The following CEP295 variants were observed in gnomAD, a reference collection of about 807,000 sequenced individuals.
CEP295 encodes centrosomal protein of 295 kDa.
CEP295 carries 190 observed loss-of-function variants against 291.6 expected under a neutral mutation model. The observed-to-expected ratio is 0.65, with a 90% CI of 0.58 to 0.73. The LOEUF (loss-of-function observed/expected upper bound fraction) is 0.73. Among genes scored for constraint, CEP295 ranks in the 30% least tolerant of loss-of-function variants. CEP295 has a pLI of 0.00. For missense variants in CEP295, 2,863 were observed against 2,949.4 expected (o/e 0.97, Z 0.68); for synonymous variants, 993 against 1,038.8 (o/e 0.96, Z 0.85).
At position 93,693,230 on chromosome 11, in the gene CEP295, T is replaced by C. The variant is rs529882555; in HGVS notation, c.1533+1200T>C. On this transcript the variant is annotated intron_variant, in intron 12 of 29. Coordinates refer to ENST00000325212, the MANE Select transcript of CEP295 (RefSeq NM_033395.2). ...AGACAGAGCTTGCAGTGAGCCGAGA[T>C]TGCGCCACTGCACTCCAGCCTGGGC... 1.6e-4 allele frequency among the ~76,000 whole-genome samples: 25 copies of C among 152,052 alleles called. No individual in the cohort carries two copies. The East Asian group carries it at 3.7e-3, about 22-fold the overall frequency.
chr11:93,662,143 C>G (rs1307209889), intron 1 of CEP295, among the ~76,000 whole-genome samples: 1 of 152,206 alleles, frequency 6.6e-6, no homozygotes, highest in African/African-American at 2.4e-5. Context: ...TTAAAAGAGC[C>G]TTGCCTGGAT....
chr11:93,729,995 T>TA (rs2135390156), intron 28 of CEP295, 26 bp downstream of exon 28: 3 of 1,423,528 alleles, frequency 2.1e-6, no homozygotes, highest in Admixed American at 5.0e-5. Flanking sequence ...TTTTTTTTTT[T>TA]AGTGATTCAC....
At chr11:93,726,310 T>G (rs1187953084) in intron 23 of CEP295, among the ~76,000 whole-genome samples, 2 of 152,180 alleles carry the variant, frequency 1.3e-5, no homozygotes, top group East Asian at 3.9e-4. Flanking sequence ...AATTTTCTAT[T>G]TTTAGTATAG....
In CEP295 at chr11:93,699,308, C is replaced by CA; in HGVS notation, c.4397dup (p.Thr1467AspfsTer8). The CA allele has an allele frequency of 1.9e-6, 3 of 1,551,988 alleles. No homozygotes were observed. Among genetic ancestry groups the CA allele is most frequent in the Non-Finnish European group, 2.6e-6 (3 of 1,146,990 alleles). On this transcript the variant is annotated frameshift_variant, in exon 15 of 30. Transcript: ENST00000325212. LOFTEE classifies it high-confidence loss of function. ...TGCACTTGAAGAACACTTGCATGCA[C>CA]AGACAGATTTCCTTCCTTCTATTGA...
chr11:93,697,561 G>C lies in CEP295; in HGVS notation c.2649G>C (p.Thr883=). 2 of 1,551,690 alleles carry C rather than the reference G, an allele frequency of 1.3e-6. No homozygotes were observed. The highest frequency in any genetic ancestry group is 1.7e-6 in the Non-Finnish European group (2 of 1,146,972). Residue 883 remains threonine, a synonymous_variant, in exon 15 of 30, where the codon ACG becomes ACC. Transcript: ENST00000325212. ...LCKQKEVEQQ[T]GLSVFLPLVT... Reference sequence around the variant, plus strand: ...AACAGAAAGAAGTGGAACAGCAAACGGGCCTCTCGGTATTCCTTCCCTTGG... The same window carrying C: ...AACAGAAAGAAGTGGAACAGCAAACCGGCCTCTCGGTATTCCTTCCCTTGG...
chr11:93,695,644 A>G lies in CEP295; in HGVS notation c.1671+10A>G. ...AACTCAACCGACTGGGGTAGGATGC[A>G]GAAAATCTCATCACTACATAAATCA... On this transcript the variant is annotated intron_variant, in intron 13 of 29. Transcript: ENST00000325212. 2 of 1,487,460 alleles carry G rather than the reference A, an allele frequency of 1.3e-6. No homozygotes were observed. The highest frequency in any genetic ancestry group is 8.9e-7 in the Non-Finnish European group (1 of 1,129,450). The allele number at this position is 1,487,460 out of a possible 1,614,324, so 92.1% of individuals were successfully genotyped here. A position where few individuals can be genotyped will look rare whatever the true frequency, so the allele number is the denominator to read the frequency against.
rs574955994 is a variant in CEP295 at position 93,711,290 on chromosome 11, G to T, written c.5749+4393G>T. Among the ~76,000 whole-genome samples, 119 of 152,100 alleles carry T rather than the reference G, an allele frequency of 7.8e-4. 4 individuals are homozygous for T. In the South Asian group the frequency reaches 0.024, roughly 31 times the overall value. On this transcript the variant is annotated intron_variant, in intron 18 of 29. Coordinates refer to ENST00000325212, the MANE Select transcript of CEP295 (RefSeq NM_033395.2). ...TGCTTTTGCTGTATTTCATAAGTTT[G>T]GGTATGTTGTGTCTCCATTATTTGT...
Position 93,696,813 on chromosome 11 carries a change from A to T in CEP295, c.1901A>T (p.Lys634Ile). The change falls in exon 15 of 30, where the codon AAA becomes ATA. Residue 634 changes from lysine (K) to isoleucine (I), a missense_variant. By Grantham distance (102) the Lys-to-Ile change is moderately radical (BLOSUM62 -3). Transcript: ENST00000325212. Reference protein sequence around the residue: ...TDSVISVPSWKSERPTAISEH... With the variant: ...TDSVISVPSWISERPTAISEH... ...TCTGTTATATCAGTGCCATCATGGA[A>T]ATCTGAGAGACCGACTGCTATATCA... is the stretch of plus-strand genomic sequence containing the variant. 6.4e-7 allele frequency: 1 copy of T among 1,551,708 alleles called. No homozygotes were observed. The highest frequency in any genetic ancestry group is 8.7e-7 in the Non-Finnish European group (1 of 1,147,000).
At chr11:93,668,397 T>C (rs1163203725) in intron 3 of CEP295, among the ~76,000 whole-genome samples, 1 of 152,110 alleles carries the variant, frequency 6.6e-6, no homozygotes, top group Non-Finnish European at 1.5e-5. Flanking sequence ...TAGCCGTAAG[T>C]TCTGACTCAG....
chr11:93,696,262 A>G (rs1288048126), intron 13 of CEP295, 58 bp from the exon 14 acceptor site: 1 of 984,110 alleles, frequency 1.0e-6, no homozygotes, highest in Non-Finnish European at 1.5e-6. Flanking sequence ...GTATGTAAAA[A>G]TACTTCAATA....
At chr11:93,702,174 G>C (rs1470937135) in intron 15 of CEP295, among the ~76,000 whole-genome samples, 4 of 151,818 alleles carry the variant, frequency 2.6e-5, no homozygotes, top group African/African-American at 9.7e-5. Flanking sequence ...GGCCAGGCTG[G>C]TCTTGAACTC....
chr11:93,699,290 G>C lies in CEP295; in HGVS notation c.4378G>C (p.Glu1460Gln), dbSNP rs778733374. ...LPQQDNLIAL[E>Q]EHLHAQTDFL... ...TCAACAAGATAATTTGATTGCACTT[G>C]AAGAACACTTGCATGCACAGACAGA... is the stretch of plus-strand genomic sequence containing the variant. Residue 1460 changes from glutamate (E) to glutamine (Q), a missense_variant, in exon 15 of 30, where the codon GAA (glutamate) becomes CAA (glutamine). Physicochemically the swap from Glu to Gln is conservative, Grantham distance 29. Coordinates refer to ENST00000325212, the MANE Select transcript of CEP295 (RefSeq NM_033395.2). 32 of 1,551,844 alleles carry C rather than the reference G, an allele frequency of 2.1e-5. No individual in the cohort carries two copies. The highest frequency in any genetic ancestry group is 4.1e-5 in the African/African-American group (3 of 73,048).
At position 93,711,826 on chromosome 11, in the gene CEP295, G is replaced by T. The variant is rs918786783; in HGVS notation, c.5749+4929G>T. 1.4e-3 allele frequency among the ~76,000 whole-genome samples: 196 copies of T among 141,668 alleles called. 2 individuals carry two copies. The highest frequency in any genetic ancestry group is 2.0e-3 in the Admixed American group (28 of 14,202). 92.9% of individuals were successfully genotyped at this position (141,668 alleles called of 152,430 possible). A position where few individuals can be genotyped will look rare whatever the true frequency, so the allele number is the denominator to read the frequency against. ...ACTCCTGGGCTATTTAAGTTTGTTT[G>T]TTTTTTTTTTTTTAATGTTTTAAGC... On this transcript the variant is annotated intron_variant, in intron 18 of 29. Transcript: ENST00000325212.
At chr11:93,670,336 TAAG>T (rs1950377134) in intron 5 of CEP295, among the ~76,000 whole-genome samples, 1 of 152,150 alleles carries the variant, frequency 6.6e-6, no homozygotes, top group South Asian at 2.1e-4. Flanking sequence ...TATAAAATAA[TAAG>T]GATCTATTTT....
At chr11:93,720,599 G>T (rs1209856664) in intron 18 of CEP295, among the ~76,000 whole-genome samples, 4 of 151,992 alleles carry the variant, frequency 2.6e-5, no homozygotes, top group African/African-American at 9.7e-5. Context: ...TTACATTTTG[G>T]TGTGGTTTTT....
intron 18 of CEP295, among the ~76,000 whole-genome samples, chr11:93,715,978 C>T (rs985743031): frequency 1.3e-5 from 2 of 152,066 alleles, no homozygotes; most frequent in Non-Finnish European, 2.9e-5. Context: ...GCACTCCCTT[C>T]GCCACCCTAG....
intron 10 of CEP295, among the ~76,000 whole-genome samples, chr11:93,691,255 C>A (rs887710377): frequency 4.6e-5 from 7 of 152,104 alleles, no homozygotes; most frequent in Non-Finnish European, 8.8e-5. Flanking sequence ...ATCTGGCTAC[C>A]CAAATATGAT....
At chr11:93,721,765 G>A (rs761080618) in intron 19 of CEP295, 189 bp from the exon 20 acceptor site, 266 of 729,792 alleles carry the variant, frequency 3.6e-4, no homozygotes, top group Non-Finnish European at 5.8e-4. Flanking sequence ...GGGGGGGTGC[G>A]TATGTATGTC....
intron 1 of CEP295, among the ~76,000 whole-genome samples, chr11:93,666,122 G>T (rs935590823): frequency 2.0e-5 from 3 of 152,182 alleles, no homozygotes; most frequent in African/African-American, 7.2e-5. Context: ...ATAAACAGGA[G>T]AAAACTTTTC....
Sources: gnomAD v4.1 joint callset for allele counts (sites outside exome capture counted in the v4.1 genomes callset) on GRCh38, gnomAD v4.1.1 for gene constraint, MANE v1.5 for transcripts, NCBI Gene and HGNC (gene_info 2026-07-23, HGNC 2026-07-21) for gene names.